The following FAXDC2 variants were observed in gnomAD, a reference collection of about 807,000 sequenced individuals.
FAXDC2 encodes the protein fatty acid hydroxylase domain-containing protein 2.
A neutral mutation model predicts 40.9 loss-of-function variants in FAXDC2; 41 were observed. The observed-to-expected ratio is 1.00, with a 90% CI of 0.78 to 1.30. The LOEUF (loss-of-function observed/expected upper bound fraction) is 1.30. Among genes scored for constraint, FAXDC2 ranks in the 50% most tolerant of loss-of-function variants. FAXDC2 has a pLI of 0.00. For missense variants in FAXDC2, 390 were observed against 408.8 expected (o/e 0.95, Z 0.40); for synonymous variants, 157 against 149.3 (o/e 1.05, Z -0.38).
chr5:154,826,206 A>G lies in FAXDC2; in HGVS notation c.367-2614T>C, dbSNP rs1251114414. Among the ~76,000 whole-genome samples, 9 of 152,262 alleles carry G rather than the reference A, an allele frequency of 5.9e-5. No homozygotes were observed. The East Asian group carries it at 1.5e-3, about 26-fold the overall frequency. On this transcript the variant is annotated intron_variant, in intron 5 of 8. Transcript: ENST00000326080. The stretch of plus-strand genomic sequence containing the variant: ...GTTGGGGAGAAGAGAAGGAATCAGG[A>G]AAGGGACAGTGAAAAAGTGAACAAT...
chr5:154,847,914 A>C (rs916713855), intron 1 of FAXDC2, among the ~76,000 whole-genome samples: 1 of 150,872 alleles, frequency 6.6e-6, no homozygotes, highest in Non-Finnish European at 1.5e-5. Context: ...ATCTTGGCTC[A>C]CTGCAAGCTC....
At chr5:154,846,657 T>C (rs1760606039) in intron 1 of FAXDC2, among the ~76,000 whole-genome samples, 1 of 152,034 alleles carries the variant, frequency 6.6e-6, no homozygotes, top group Non-Finnish European at 1.5e-5. Flanking sequence ...AGTGTTAGGA[T>C]TACAGGCATG....
chr5:154,827,382 A>G (rs909713972), intron 5 of FAXDC2, among the ~76,000 whole-genome samples: 29 of 150,948 alleles, frequency 1.9e-4, no homozygotes, highest in African/African-American at 6.8e-4. Flanking sequence ...TAACTCTCTC[A>G]AAGAACTTTG....
intron 5 of FAXDC2, chr5:154,824,580 G>C (rs1376848310): frequency 1.9e-5 from 13 of 702,616 alleles, no homozygotes; most frequent in Non-Finnish European, 2.6e-5. Context: ...GACATGTTAG[G>C]TGAGGCCATT....
At chr5:154,822,282 G>A in intron 7 of FAXDC2, 190 bp downstream of exon 7, 1 of 575,892 alleles carries the variant, frequency 1.7e-6, no homozygotes, top group South Asian at 2.3e-5. Flanking sequence ...AAAGTTGTTG[G>A]GATGATTAAA....
At chr5:154,832,029 GA>G (rs1760205050) in intron 4 of FAXDC2, among the ~76,000 whole-genome samples, 1 of 151,804 alleles carries the variant, frequency 6.6e-6, no homozygotes. Context: ...TCTATTCAAT[GA>G]AAAAAAGATT....
intron 1 of FAXDC2, among the ~76,000 whole-genome samples, chr5:154,848,125 C>T (rs970909152): frequency 4.6e-5 from 7 of 152,220 alleles, no homozygotes; most frequent in Non-Finnish European, 7.3e-5. Flanking sequence ...AGGCGTGAGC[C>T]ACCATGCCCG....
intron 1 of FAXDC2, among the ~76,000 whole-genome samples, chr5:154,840,941 A>G (rs558434215): frequency 6.6e-6 from 1 of 152,338 alleles, no homozygotes; most frequent in Non-Finnish European, 1.5e-5. Flanking sequence ...TTAGGACACC[A>G]GAAGGAGGTG....
chr5:154,845,723 C>G (rs1760583489), intron 1 of FAXDC2, among the ~76,000 whole-genome samples: 1 of 151,030 alleles, frequency 6.6e-6, no homozygotes, highest in African/African-American at 2.4e-5. Flanking sequence ...TTCAGATGCC[C>G]CCATTTTCCA....
Position 154,830,838 on chromosome 5 carries a change from A to T in FAXDC2, c.329T>A (p.Ile110Asn). Residue 110 changes from isoleucine (I) to asparagine (N), a missense_variant, in exon 5 of 9, where the codon ATC becomes AAC. By Grantham distance (149) the Ile-to-Asn change is moderately radical (BLOSUM62 -3). Coordinates refer to ENST00000326080, the MANE Select transcript of FAXDC2 (RefSeq NM_032385.5). ...VVDTTGKPNF[I>N]SRYRIQVGKN... is the part of the protein sequence containing the mutation. Reference sequence around the variant, plus strand: ...GCCGACCTGAATTCGGTAGCGAGAGATGAAGTTAGGTTTTCCTGTTGTGTC... The same window carrying T: ...GCCGACCTGAATTCGGTAGCGAGAGTTGAAGTTAGGTTTTCCTGTTGTGTC... 3 of 1,614,160 alleles carry T rather than the reference A, an allele frequency of 1.9e-6. No homozygotes were observed. Among genetic ancestry groups the T allele is most frequent in the Non-Finnish European group, 2.5e-6 (3 of 1,180,026 alleles).
At chr5:154,826,125 A>G (rs1212240802) in intron 5 of FAXDC2, among the ~76,000 whole-genome samples, 1 of 152,130 alleles carries the variant, frequency 6.6e-6, no homozygotes, top group African/African-American at 2.4e-5. Flanking sequence ...AACTGGGGGA[A>G]TGAATATAGA....
chr5:154,838,204 C>T (rs758017423), intron 1 of FAXDC2, 26 bp from the exon 2 acceptor site: 61 of 1,609,170 alleles, frequency 3.8e-5, no homozygotes, highest in South Asian at 3.0e-4. Context: ...ACAGGCGAGC[C>T]GGGGAGTTAT....
chr5:154,847,487 C>CTTTTTTT (rs557543082), intron 1 of FAXDC2, among the ~76,000 whole-genome samples: 2 of 132,314 alleles, frequency 1.5e-5, no homozygotes, highest in African/African-American at 2.8e-5. Context: ...TTCTTTCTTT[C>CTTTTTTT]TTTTTTTTTT....
chr5:154,825,643 T>C, intron 5 of FAXDC2, among the ~76,000 whole-genome samples: 1 of 4,952 alleles, frequency 2.0e-4, no homozygotes, highest in Admixed American at 1.1e-3. Context: ...AGAGTGAGAC[T>C]CCGTCTCAAA....
chr5:154,827,676 C>T (rs1007720214), intron 5 of FAXDC2, among the ~76,000 whole-genome samples: 3 of 151,368 alleles, frequency 2.0e-5, no homozygotes, highest in African/African-American at 7.3e-5. Context: ...GCTAGGACTA[C>T]AGGCATGCAC....
rs371017299 is a variant in FAXDC2 at position 154,822,493 on chromosome 5, A to G, written c.657T>C (p.Tyr219=). The G allele has an allele frequency of 8.4e-5, 136 of 1,613,662 alleles. No homozygotes were observed. The highest frequency in any genetic ancestry group is 2.3e-4 in the Admixed American group (14 of 60,008). ...TCACTGCATGCTCTATAGGGTGGGC[A>G]TAGAGAGAGATCACGCCAATGGGAG... ...WTAPIGVISL[Y]AHPIEHAVSN... Residue 219 remains tyrosine (Y), a synonymous_variant, in exon 7 of 9, where the codon TAT becomes TAC. Transcript: ENST00000326080.
At chr5:154,824,583 A>G in intron 5 of FAXDC2, 1 of 702,558 alleles carries the variant, frequency 1.4e-6, no homozygotes, top group Non-Finnish European at 2.6e-6. Flanking sequence ...ATGTTAGGTG[A>G]GGCCATTACA....
At chr5:154,827,421 T>TTTTGTGTGTGTG (rs1760066593) in intron 5 of FAXDC2, among the ~76,000 whole-genome samples, 1 of 138,588 alleles carries the variant, frequency 7.2e-6, no homozygotes, top group South Asian at 2.4e-4. Context: ...TTCTGTTATT[T>TTTTGTGTGTGTG]TGTGTGTGTG....
chr5:154,823,423 G>A lies in FAXDC2; in HGVS notation c.536C>T (p.Thr179Met), dbSNP rs772331505. ...HWFLLELAIF[T>M]LIEEVLFYYS... is the part of the protein sequence containing the mutation. ...GTAGAACAAGACTTCCTCGATCAGC[G>A]TGAAGATGGCCAGCTCCAGGAGGAA... Residue 179 changes from threonine (T) to methionine (M), a missense_variant, in exon 6 of 9, where the codon ACG becomes ATG. By Grantham distance (81) the Thr-to-Met change is moderately conservative (BLOSUM62 -1). Coordinates refer to ENST00000326080, the MANE Select transcript of FAXDC2 (RefSeq NM_032385.5). 9.9e-5 allele frequency: 159 copies of A among 1,613,920 alleles called. No homozygotes were observed. Among genetic ancestry groups the A allele is most frequent in the South Asian group, 7.5e-4 (68 of 91,076 alleles).
Sources: allele counts gnomAD v4.1 joint callset (sites outside exome capture counted in the v4.1 genomes callset), GRCh38; gene constraint gnomAD v4.1.1; transcripts MANE v1.5; gene names NCBI Gene and HGNC (gene_info 2026-07-23, HGNC 2026-07-21).